Variants in UNC79 observed in about 807,000 individuals in gnomAD.
UNC79 encodes protein unc-79 homolog.
A neutral mutation model predicts 283.1 loss-of-function variants in UNC79; 37 were observed. That is an observed-to-expected ratio of 0.13 (90% CI 0.10 to 0.17). The LOEUF is 0.17. Among genes scored for constraint, UNC79 ranks in the 10% least tolerant of loss-of-function variants. The probability of loss-of-function intolerance (pLI) is 1.00; values close to 1 mark genes in which losing one functional copy is unlikely to be tolerated. For synonymous variants in UNC79, 1,107 were observed against 1,200.2 expected (o/e 0.92, Z 1.61); for missense variants, 2,272 against 3,211.1 (o/e 0.71, Z 7.07).
At chr14:93,517,361 A>C (rs1595721415) in intron 7 of UNC79, among the ~76,000 whole-genome samples, 1 of 113,644 alleles carries the variant, frequency 8.8e-6, no homozygotes, top group African/African-American at 3.5e-5. Context: ...TAATATCTCC[A>C]CTTGAATAGA....
chr14:93,580,149 A>G (rs534435624), exon 19 of UNC79: 50 of 1,608,772 alleles, frequency 3.1e-5, no homozygotes, highest in Middle Eastern at 3.3e-4. Context: ...TGTCTTTCAG[A>G]TGGAGTTACA....
rs1033170885 is a variant in UNC79 at position 93,704,784 on chromosome 14, C to T, written c.7590+118C>T. 10 of 1,288,518 alleles carry T rather than the reference C, an allele frequency of 7.8e-6. No individual in the cohort carries two copies. The South Asian group carries it at 1.2e-4, about 16-fold the overall frequency. The allele number at this position is 1,288,518 out of a possible 1,614,324, so 79.8% of individuals were successfully genotyped here. A position where few individuals can be genotyped will look rare whatever the true frequency, so the allele number is the denominator to read the frequency against. On this transcript the variant is annotated intron_variant, in intron 48 of 48. Transcript: ENST00000555664. ...AAGGATGAATTCAACCTGCTCCTGG[C>T]CTTAGAGGGCTGATAATGCAGGAGA...
intron 1 of UNC79, among the ~76,000 whole-genome samples, chr14:93,363,339 T>C (rs1038741544): frequency 1.3e-5 from 2 of 152,160 alleles, no homozygotes; most frequent in Non-Finnish European, 2.9e-5. Context: ...ATTGTTAAGA[T>C]TTTGGTTTTT....
At chr14:93,377,100 T>C (rs1273016920) in intron 1 of UNC79, among the ~76,000 whole-genome samples, 1 of 135,948 alleles carries the variant, frequency 7.4e-6, no homozygotes, top group African/African-American at 3.0e-5. Flanking sequence ...TTGTTTCTTT[T>C]TTTTTTTTTT....
chr14:93,653,608 A>G, intron 35 of UNC79, 134 bp from the exon 39 acceptor site: 1 of 799,054 alleles, frequency 1.3e-6, no homozygotes, highest in South Asian at 1.7e-5. Flanking sequence ...AGAATATTTC[A>G]TTTCACTGAT....
upstream of UNC79, among the ~76,000 whole-genome samples, chr14:93,428,166 T>C (rs1308449896): frequency 6.6e-6 from 1 of 151,954 alleles, no homozygotes; most frequent in Non-Finnish European, 1.5e-5. Context: ...GCAGGTAGGG[T>C]AGTGAGGAAA....
Position 93,643,791 on chromosome 14 carries a change from G to A in UNC79, c.6044+94G>A, listed in dbSNP as rs575425379. ...TACCAGTTCAAAAGTGAAACATTCA[G>A]CCACCTTGTAGATACTGGTATTTGT... On this transcript the variant is annotated intron_variant, in intron 34 of 48. Transcript: ENST00000555664. The A allele has an allele frequency of 2.7e-5, 41 of 1,529,356 alleles. 1 individual carries two copies. The Admixed American group carries it at 6.9e-4, about 26-fold the overall frequency. The allele number at this position is 1,529,356 out of a possible 1,614,324, so 94.7% of individuals were successfully genotyped here.
intron 14 of UNC79, among the ~76,000 whole-genome samples, chr14:93,551,545 C>T (rs991098479): frequency 6.6e-6 from 1 of 152,126 alleles, no homozygotes; most frequent in Non-Finnish European, 1.5e-5. Context: ...CATTCCTTCC[C>T]GAGATGGGAG....
At chr14:93,418,843 C>G (rs2055526076) in intron 1 of UNC79, among the ~76,000 whole-genome samples, 7 of 151,860 alleles carry the variant, frequency 4.6e-5, no homozygotes, top group Admixed American at 4.6e-4. Flanking sequence ...GCAATATAAT[C>G]TCCTGGTGCG....
At chr14:93,530,692 A>G (rs901265695) in intron 10 of UNC79, among the ~76,000 whole-genome samples, 9 of 152,008 alleles carry the variant, frequency 5.9e-5, no homozygotes, top group South Asian at 2.1e-4. Flanking sequence ...GGCGGATCAC[A>G]AGGTCAGGAA....
intron 35 of UNC79, among the ~76,000 whole-genome samples, chr14:93,648,473 T>C (rs1052252189): frequency 2.6e-5 from 4 of 152,076 alleles, no homozygotes; most frequent in African/African-American, 4.8e-5. Context: ...AGGAAATATT[T>C]TGAAGTAGAG....
intron 1 of UNC79, among the ~76,000 whole-genome samples, chr14:93,403,228 A>G (rs775408409): frequency 6.6e-6 from 1 of 152,222 alleles, no homozygotes; most frequent in Non-Finnish European, 1.5e-5. Context: ...GCAATCAGAT[A>G]TGCATTTTTC....
chr14:93,664,583 A>T (rs1484748564), intron 40 of UNC79, among the ~76,000 whole-genome samples: 2 of 152,152 alleles, frequency 1.3e-5, no homozygotes, highest in African/African-American at 4.8e-5. Context: ...TCACTTGGTA[A>T]AAGGGTGGTT....
intron 6 of UNC79, 121 bp from the exon 7 acceptor site, chr14:93,497,036 C>G (rs1029505636): frequency 6.8e-5 from 72 of 1,057,886 alleles, no homozygotes; most frequent in Non-Finnish European, 9.3e-5. Flanking sequence ...CATGAGATTC[C>G]AGGGAAATTA....
At chr14:93,423,519 T>G (rs939126210) in intron 1 of UNC79, among the ~76,000 whole-genome samples, 1 of 152,112 alleles carries the variant, frequency 6.6e-6, no homozygotes, top group African/African-American at 2.4e-5. Context: ...AACAGACACA[T>G]AGACCAATGG....
chr14:93,448,562 C>G lies in UNC79; in HGVS notation c.22+17511C>G, dbSNP rs188048377. ...AATGTGTTGTATTTTCTTGGTTCTT[C>G]TTATGTTGGGTCATTTTGAGTTGTA... On this transcript the variant is annotated intron_variant, in intron 1 of 48. Transcript: ENST00000555664. Among the ~76,000 whole-genome samples the G allele has an allele frequency of 8.5e-5, 13 of 152,192 alleles. No homozygotes were observed. The East Asian group carries it at 2.1e-3, about 25-fold the overall frequency.
chr14:93,674,832 G>A (rs1489179218), intron 41 of UNC79, among the ~76,000 whole-genome samples: 3 of 152,160 alleles, frequency 2.0e-5, no homozygotes, highest in South Asian at 2.1e-4. Context: ...CCAAGACCAC[G>A]GTGCTGGCCT....
intron 1 of UNC79, among the ~76,000 whole-genome samples, chr14:93,395,215 T>C (rs111293797): frequency 0.011 from 1,616 of 152,346 alleles, 25 homozygotes; most frequent in African/African-American, 0.037. Context: ...AGGAATTCTT[T>C]AGGTTTTTGT....
At chr14:93,538,137 T>G in exon 12 of UNC79, 1 of 1,614,088 alleles carries the variant, frequency 6.2e-7, no homozygotes, top group Non-Finnish European at 8.5e-7. Context: ...GAGACTCACC[T>G]CTATCAGACC....
Sources: allele counts gnomAD v4.1 joint callset (sites outside exome capture counted in the v4.1 genomes callset), GRCh38; gene constraint gnomAD v4.1.1; transcripts MANE v1.5; gene names NCBI Gene and HGNC (gene_info 2026-07-23, HGNC 2026-07-21).